HUWE1: variants seen among roughly 807,000 people sequenced by gnomAD.
HUWE1 encodes HECT, UBA and WWE domain containing E3 ubiquitin protein ligase 1, also known as E3 ubiquitin-protein ligase HUWE1.
A neutral mutation model predicts 299.4 loss-of-function variants in HUWE1; 18 were observed. That is an observed-to-expected ratio of 0.06 (90% confidence interval 0.04 to 0.09). The LOEUF (loss-of-function observed/expected upper bound fraction) is 0.09. HUWE1 is among the 10% of genes least tolerant of loss of function. HUWE1 has a pLI of 1.00. For synonymous variants in HUWE1, 1,317 were observed against 1,286.1 expected (o/e 1.02, Z -0.51); for missense variants, 1,832 against 3,462.3 (o/e 0.53, Z 11.82).
In HUWE1 at chrX:53,574,361, G is replaced by C. The variant is rs1000165445; in HGVS notation, c.6098-397C>G. Among the ~76,000 whole-genome samples, 4 of 112,501 alleles carry C rather than the reference G, an allele frequency of 3.6e-5. No individual in the cohort carries two copies. The East Asian group carries it at 1.1e-3, about 31-fold the overall frequency. Reference sequence around the variant, plus strand: ...CCTGTCTCATCTAGACATACTGTGAGATACTTTACATGTCCATTATATCTT... The same window carrying C: ...CCTGTCTCATCTAGACATACTGTGACATACTTTACATGTCCATTATATCTT... On this transcript the variant is annotated intron_variant, in intron 46 of 83. Coordinates refer to ENST00000262854, the MANE Select transcript of HUWE1 (RefSeq NM_031407.7).
chrX:53,608,642 A>G (rs1475481617), intron 24 of HUWE1, among the ~76,000 whole-genome samples: 2 of 111,943 alleles, frequency 1.8e-5, no homozygotes, highest in Admixed American at 9.4e-5. Context: ...CAGTGAACAA[A>G]AAAATCTGGA....
chrX:53,607,711 A>C lies in HUWE1; in HGVS notation c.2320-12T>G. On this transcript the variant is annotated splice_polypyrimidine_tract_variant and intron_variant, in intron 24 of 83. Coordinates refer to ENST00000262854, the MANE Select transcript of HUWE1 (RefSeq NM_031407.7). ...TCCACAAATTTCATCTAGGTAATAA[A>C]AATTTTTTAAAGAAGTTAGAGCCTG... 1.7e-6 allele frequency: 2 copies of C among 1,149,895 alleles called. No individual in the cohort carries two copies. Among genetic ancestry groups the C allele is most frequent in the South Asian group, 1.9e-5 (1 of 53,835 alleles). The allele number at this position is 1,149,895 out of a possible 1,213,427, so 94.8% of individuals were successfully genotyped here. A position where few individuals can be genotyped will look rare whatever the true frequency, so the allele number is the denominator to read the frequency against.
chrX:53,559,934 T>G (rs1556939226), intron 56 of HUWE1, among the ~76,000 whole-genome samples: 1 of 112,615 alleles, frequency 8.9e-6, no homozygotes, highest in East Asian at 2.8e-4. Context: ...AAGTGTTAAG[T>G]GCTTGGCATG....
Position 53,672,630 on chromosome X carries a change from G to T in HUWE1, c.-25+7419C>A, listed in dbSNP as rs782628716. 3.6e-5 allele frequency among the ~76,000 whole-genome samples: 4 copies of T among 111,114 alleles called. No individual in the cohort carries two copies. In the South Asian group the frequency reaches 1.5e-3, roughly 42 times the overall value. ...AAGTGTCATCCTTACTTCTAATGTT[G>T]AGAAAAATTAAACACACATCTGTAC... On this transcript the variant is annotated intron_variant, in intron 3 of 83. Coordinates refer to ENST00000262854, the MANE Select transcript of HUWE1 (RefSeq NM_031407.7).
intron 19 of HUWE1, among the ~76,000 whole-genome samples, chrX:53,618,565 C>CTTT (rs1158947305): frequency 2.3e-5 from 2 of 88,882 alleles, no homozygotes; most frequent in Non-Finnish European, 4.6e-5. Flanking sequence ...TAAGAATTTT[C>CTTT]TTTTTTTTTT....
chrX:53,535,323 TGAA>T, intron 81 of HUWE1, 58 bp downstream of exon 81: 1 of 735,927 alleles, frequency 1.4e-6, no homozygotes, highest in East Asian at 3.2e-5. Flanking sequence ...GCCTATCAAA[TGAA>T]TCAAGTCCGA....
At chrX:53,643,171 T>C (rs1373153251) in intron 7 of HUWE1, among the ~76,000 whole-genome samples, 1 of 111,931 alleles carries the variant, frequency 8.9e-6, no homozygotes. Context: ...TTAAATACAA[T>C]ATTCAAAATT....
In HUWE1 at chrX:53,608,915, A is replaced by C; in HGVS notation, c.2262-6T>G. 9.2e-7 allele frequency: 1 copy of C among 1,088,294 alleles called. No homozygotes were observed. Among genetic ancestry groups the C allele is most frequent in the East Asian group, 3.0e-5 (1 of 33,385 alleles). 89.7% of individuals were successfully genotyped at this position (1,088,294 alleles called of 1,213,427 possible). On this transcript the variant is annotated splice_region_variant and splice_polypyrimidine_tract_variant and intron_variant, in intron 23 of 83. Coordinates refer to ENST00000262854, the MANE Select transcript of HUWE1 (RefSeq NM_031407.7). ...GTTCCTCTGTACCAACAACCCTGTT[A>C]GGGGAGAAAAGAGTGAGTTACACAG...
At position 53,616,996 on chromosome X, in the gene HUWE1, C is replaced by T. The variant is rs937590528; in HGVS notation, c.1931G>A (p.Arg644Gln). 2 of 1,210,430 alleles carry T rather than the reference C, an allele frequency of 1.7e-6. No individual in the cohort carries two copies. Among genetic ancestry groups the T allele is most frequent in the Non-Finnish European group, 2.2e-6 (2 of 894,530 alleles). The change falls in exon 21 of 84, where the codon CGG (arginine) becomes CAG (glutamine). Residue 644 changes from arginine to glutamine, a missense_variant. Physicochemically the swap from Arg to Gln is conservative, Grantham distance 43. Transcript: ENST00000262854. ...LLSPDYLPAMRRRRSSDPLGD... is the reference protein window; with the variant it reads ...LLSPDYLPAMQRRRSSDPLGD... ...AAGGGGATCAGAACTTCTCCTCCTC[C>T]GCATGGCTGGGAGGTAATCTGGAGA...
At chrX:53,542,736 A>G in intron 73 of HUWE1, 197 bp from the exon 74 acceptor site, 5 of 446,770 alleles carry the variant, frequency 1.1e-5, no homozygotes, top group Non-Finnish European at 2.0e-5. Context: ...TGTGTTTTGT[A>G]AGCTTTTCCC....
intron 83 of HUWE1, chrX:53,533,768 C>T (rs924696184): frequency 2.2e-6 from 1 of 454,601 alleles, no homozygotes. Context: ...GTCACGCTGG[C>T]CCTGGAATAC....
At chrX:53,612,544 T>C (rs951935131) in intron 23 of HUWE1, among the ~76,000 whole-genome samples, 4 of 112,091 alleles carry the variant, frequency 3.6e-5, no homozygotes, top group Non-Finnish European at 7.5e-5. Flanking sequence ...CTACCTACTA[T>C]ATACAAAGTG....
At chrX:53,586,669 A>G (rs2063875845) in intron 38 of HUWE1, 98 bp from the exon 39 acceptor site, 1 of 1,082,568 alleles carries the variant, frequency 9.2e-7, no homozygotes, top group Non-Finnish European at 1.3e-6. Context: ...TATAATTTTA[A>G]AACTACAGAA....
At chrX:53,648,633 CAAT>C (rs1418413128) in intron 4 of HUWE1, among the ~76,000 whole-genome samples, 1 of 65,849 alleles carries the variant, frequency 1.5e-5, no homozygotes, top group Admixed American at 1.8e-4. Flanking sequence ...ACAACAAAAA[CAAT>C]AATAAGTTAA....
rs782517230 is a variant in HUWE1 at position 53,546,469 on chromosome X, G to A, written c.10882C>T (p.Arg3628Cys). The change falls in exon 70 of 84, where the codon CGC becomes TGC. Residue 3628 changes from arginine to cysteine, a missense_variant. Around this residue, in one of 15 missense-constraint regions of HUWE1, gnomAD observed 48 missense variants for 87.0 expected, o/e 0.55. Coordinates refer to ENST00000262854, the MANE Select transcript of HUWE1 (RefSeq NM_031407.7). The stretch of plus-strand genomic sequence containing the variant: ...TTACAAAGGGTATAACCCAGATGGC[G>A]GGCTCCATTCAGTAGCAGCTTGAGA... Reference protein sequence around the residue: ...TVLKLLLNGARHLGYTLCKQI... With the variant: ...TVLKLLLNGACHLGYTLCKQI... 8 of 1,210,659 alleles carry A rather than the reference G, an allele frequency of 6.6e-6. No individual in the cohort carries two copies. The highest frequency in any genetic ancestry group is 3.5e-5 in the South Asian group (2 of 56,784).
intron 5 of HUWE1, among the ~76,000 whole-genome samples, chrX:53,647,849 C>T (rs1354458380): frequency 5.4e-5 from 6 of 112,105 alleles, no homozygotes; most frequent in Non-Finnish European, 1.1e-4. Context: ...CTAAGATCTA[C>T]GAAGACAAGA....
At chrX:53,681,370 G>T (rs1231102885) in intron 2 of HUWE1, among the ~76,000 whole-genome samples, 1 of 106,828 alleles carries the variant, frequency 9.4e-6, no homozygotes, top group African/African-American at 3.4e-5. Context: ...GGAGGCGGAG[G>T]TTGCAGTGAG....
At chrX:53,625,913 A>G (rs372116139) in intron 17 of HUWE1, 131 of 364,745 alleles carry the variant, frequency 3.6e-4, no homozygotes, top group Admixed American at 5.2e-4. Context: ...GACTGGGACC[A>G]GGGCTGGGGC....
At chrX:53,542,644 A>T (rs2061391014) in intron 73 of HUWE1, 105 bp from the exon 74 acceptor site, 6 of 571,027 alleles carry the variant, frequency 1.1e-5, no homozygotes, top group Non-Finnish European at 1.8e-5. Flanking sequence ...GCTTGCAAAG[A>T]AGCTTCCCAT....
Sources: gnomAD v4.1 joint callset for allele counts (sites outside exome capture counted in the v4.1 genomes callset) on GRCh38, gnomAD v4.1.1 for gene constraint, gnomAD v4.1.1 regional missense constraint, MANE v1.5 for transcripts, NCBI Gene and HGNC (gene_info 2026-07-23, HGNC 2026-07-21) for gene names.